Variants in SLC6A17 observed in about 807,000 individuals in gnomAD.
SLC6A17 encodes solute carrier family 6 member 17, also known as sodium-dependent neutral amino acid transporter SLC6A17.
Under a neutral mutation model 64.5 loss-of-function variants are expected in SLC6A17, and 21 were observed. The observed-to-expected ratio is 0.33, with a 90% CI of 0.23 to 0.47. The LOEUF is 0.47. Among genes scored for constraint, SLC6A17 ranks in the 20% least tolerant of loss-of-function variants. The probability of loss-of-function intolerance (pLI) is 1.00; values close to 1 mark genes in which losing one functional copy is unlikely to be tolerated. For missense variants in SLC6A17, 682 were observed against 963.2 expected, an observed-to-expected ratio of 0.71 and a Z score of 3.86; for synonymous variants, 372 against 399.5, an observed-to-expected ratio of 0.93 and a Z score of 0.82.
intron 1 of SLC6A17, among the ~76,000 whole-genome samples, chr1:110,162,696 C>T (rs1655946613): frequency 6.6e-6 from 1 of 152,214 alleles, no homozygotes; most frequent in South Asian, 2.1e-4. Context: ...TTCACCAGCA[C>T]ATGGCTTCAG....
intron 6 of SLC6A17, among the ~76,000 whole-genome samples, chr1:110,180,832 C>T (rs1656502544): frequency 1.3e-5 from 2 of 152,078 alleles, no homozygotes; most frequent in African/African-American, 4.8e-5. Context: ...CTGGCAGAGT[C>T]CAAGAATTTT....
At chr1:110,174,986 A>G in intron 5 of SLC6A17, 26 bp downstream of exon 5, 3 of 1,603,330 alleles carry the variant, frequency 1.9e-6, no homozygotes, top group Non-Finnish European at 2.6e-6. Context: ...GGCACCCAGG[A>G]CCCAAATGGG....
chr1:110,150,576 G>C lies in SLC6A17; in HGVS notation c.-395G>C, dbSNP rs1655567717. 1 of 152,296 alleles carries C rather than the reference G, an allele frequency of 6.6e-6. No homozygotes were observed. The highest frequency in any genetic ancestry group is 2.4e-5 in the African/African-American group (1 of 41,470). The allele number at this position is 152,296 out of a possible 1,614,324, so 9.4% of individuals were successfully genotyped here. A position where few individuals can be genotyped will look rare whatever the true frequency, so the allele number is the denominator to read the frequency against. ...GCAGAGCCGGCGCTGCCAGGGCGCA[G>C]GGAGGGCGGCACTCGGCCCCAGTCT... On this transcript the variant is annotated 5_prime_UTR_variant, in exon 1 of 12. Coordinates refer to ENST00000331565, the MANE Select transcript of SLC6A17 (RefSeq NM_001010898.4).
At position 110,198,465 on chromosome 1, in the gene SLC6A17, G is replaced by T. The variant is rs374278926; in HGVS notation, c.*21G>T. On this transcript the variant is annotated 3_prime_UTR_variant, in exon 12 of 12. Transcript: ENST00000331565. ...TGTGACCACTGCCCAAGCCCTGCCCGCCTCTCCCCCCACGCTCAACCTGCC... is the reference window on the plus strand; with the variant it reads ...TGTGACCACTGCCCAAGCCCTGCCCTCCTCTCCCCCCACGCTCAACCTGCC... 2 of 1,583,280 alleles carry T rather than the reference G, an allele frequency of 1.3e-6. No homozygotes were observed. The highest frequency in any genetic ancestry group is 1.2e-5 in the South Asian group (1 of 86,074).
intron 3 of SLC6A17, 40 bp from the exon 4 acceptor site, chr1:110,173,933 G>C (rs754172290): frequency 4.2e-5 from 67 of 1,586,048 alleles, no homozygotes; most frequent in Non-Finnish European, 5.7e-5. Context: ...GGGTGGAGTT[G>C]CCTGCAGCCT....
Position 110,192,329 on chromosome 1 carries a change from G to A in SLC6A17, c.1106+116G>A, listed in dbSNP as rs538150818. ...AGAGGTCCCCTCCACTCAGACTGAG[G>A]AATGGAGATCAGAGGAGCACTCTCT... On this transcript the variant is annotated intron_variant, in intron 7 of 11. Coordinates refer to ENST00000331565, the MANE Select transcript of SLC6A17 (RefSeq NM_001010898.4). This position sits in a 1 kb window ranked among gnomAD's most constrained non-coding sequence, Gnocchi z 4.3. 6.0e-6 allele frequency: 9 copies of A among 1,503,312 alleles called. No homozygotes were observed. The African/African-American group carries it at 8.3e-5, about 14-fold the overall frequency. 93.1% of individuals were successfully genotyped at this position (1,503,312 alleles called of 1,614,324 possible). A position where few individuals can be genotyped will look rare whatever the true frequency, so the allele number is the denominator to read the frequency against.
rs1456191650 is a variant in SLC6A17, at chr1:110,167,073, G to A, written c.144G>A (p.Gln48=). The A allele has an allele frequency of 6.2e-7, 1 of 1,610,774 alleles. No individual in the cohort carries two copies. The highest frequency in any genetic ancestry group is 8.5e-7 in the Non-Finnish European group (1 of 1,178,828). Residue 48 remains glutamine (Q), a synonymous_variant, in exon 2 of 12, where the codon CAG becomes CAA. Coordinates refer to ENST00000331565, the MANE Select transcript of SLC6A17 (RefSeq NM_001010898.4). ...LNVAGEAGGK[Q]KAVEEELDAE... ...TGGCTGGTGAGGCAGGCGGCAAGCAGAAGGCGGTGGAGGAGGAGCTGGATG... is the reference window on the plus strand; with the variant it reads ...TGGCTGGTGAGGCAGGCGGCAAGCAAAAGGCGGTGGAGGAGGAGCTGGATG...
intron 1 of SLC6A17, among the ~76,000 whole-genome samples, chr1:110,165,436 A>G (rs2101842109): frequency 1.3e-5 from 2 of 152,220 alleles, no homozygotes; most frequent in South Asian, 4.1e-4. Flanking sequence ...TAGTTACCCC[A>G]AAGCCTAACC....
intron 1 of SLC6A17, among the ~76,000 whole-genome samples, chr1:110,162,573 C>T (rs993190453): frequency 2.0e-5 from 3 of 152,116 alleles, no homozygotes; most frequent in Admixed American, 6.5e-5. Flanking sequence ...AGAGAGGAAT[C>T]GCCCCTCTCA....
intron 6 of SLC6A17, among the ~76,000 whole-genome samples, chr1:110,189,147 A>G (rs931359362): frequency 6.6e-6 from 1 of 152,204 alleles, no homozygotes; most frequent in Non-Finnish European, 1.5e-5. Flanking sequence ...CCTGCTACTC[A>G]GAAAGTCTAT....
intron 1 of SLC6A17, among the ~76,000 whole-genome samples, chr1:110,159,901 CCAT>C (rs1294394411): frequency 6.6e-6 from 1 of 152,170 alleles, no homozygotes; most frequent in Non-Finnish European, 1.5e-5. Context: ...TCATTCAATT[CCAT>C]CATATCATAT....
chr1:110,197,188 T>C (rs1326480524), intron 10 of SLC6A17, among the ~76,000 whole-genome samples: 1 of 152,192 alleles, frequency 6.6e-6, no homozygotes, highest in Non-Finnish European at 1.5e-5. Flanking sequence ...GCCCAGGGTG[T>C]GTCTGGTGGG....
intron 1 of SLC6A17, among the ~76,000 whole-genome samples, chr1:110,153,780 G>A (rs191383593): frequency 2.6e-5 from 4 of 152,282 alleles, no homozygotes; most frequent in African/African-American, 7.2e-5. Flanking sequence ...AGTTTAAGGG[G>A]AAGATGGATT....
chr1:110,173,809 G>A (rs146032103), intron 3 of SLC6A17, among the ~76,000 whole-genome samples, 164 bp from the exon 4 acceptor site: 5 of 146,812 alleles, frequency 3.4e-5, no homozygotes, highest in East Asian at 2.0e-4. Flanking sequence ...TGAATGGAGC[G>A]TGAGGGGAGC....
At chr1:110,162,127 C>T (rs1161901728) in intron 1 of SLC6A17, among the ~76,000 whole-genome samples, 1 of 152,358 alleles carries the variant, frequency 6.6e-6, no homozygotes, top group African/African-American at 2.4e-5. Context: ...TCAGAGAGTA[C>T]CTTGCAGCTT....
rs1657093756 is a variant in SLC6A17, at chr1:110,200,391, T to A, written c.*1947T>A. On this transcript the variant is annotated 3_prime_UTR_variant, in exon 12 of 12. Transcript: ENST00000331565. ...GCAGTCCCCCTCACCCGACAACACC[T>A]CCTACCTGGCCCCTTGCCAAATCCC... is the stretch of plus-strand genomic sequence containing the variant. 3.2e-6 allele frequency: 1 copy of A among 311,552 alleles called. No individual in the cohort carries two copies. Among genetic ancestry groups the A allele is most frequent in the Non-Finnish European group, 5.8e-6 (1 of 171,266 alleles). 19.3% of individuals were successfully genotyped at this position (311,552 alleles called of 1,614,324 possible). A position where few individuals can be genotyped will look rare whatever the true frequency, so the allele number is the denominator to read the frequency against.
chr1:110,171,930 C>G, intron 2 of SLC6A17, 130 bp from the exon 3 acceptor site: 1 of 1,207,398 alleles, frequency 8.3e-7, no homozygotes, highest in Non-Finnish European at 1.2e-6. Flanking sequence ...CATGGAGGAG[C>G]ACCGGGACTG....
rs556325132 is a variant in SLC6A17, at chr1:110,188,273, A to G, written c.865-3699A>G. ...TTTAGATAAGGAACCGTGGGCCTGT[A>G]TTACATTTGTAAAGAAGGTAACATT... On this transcript the variant is annotated intron_variant, in intron 6 of 11. Transcript: ENST00000331565. Among the ~76,000 whole-genome samples the G allele has an allele frequency of 3.3e-5, 5 of 152,342 alleles. No homozygotes were observed. The East Asian group carries it at 5.8e-4, about 18-fold the overall frequency.
intron 6 of SLC6A17, among the ~76,000 whole-genome samples, chr1:110,181,566 T>C (rs1231334611): frequency 1.3e-5 from 2 of 152,146 alleles, no homozygotes; most frequent in African/African-American, 2.4e-5. Context: ...TGTTGTCAGA[T>C]AATATAAGAT....
Sources: allele counts gnomAD v4.1 joint callset (sites outside exome capture counted in the v4.1 genomes callset), GRCh38; gene constraint gnomAD v4.1.1; non-coding constraint Gnocchi (gnomAD v3.1); transcripts MANE v1.5; gene names NCBI Gene and HGNC (gene_info 2026-07-23, HGNC 2026-07-21).